The following UNC5D variants were observed in gnomAD, a reference collection of about 807,000 sequenced individuals.
The protein encoded by UNC5D is netrin receptor UNC5D.
A neutral mutation model predicts 105.4 loss-of-function variants in UNC5D; 39 were observed. The observed-to-expected ratio is 0.37, with a 90% confidence interval of 0.29 to 0.48. UNC5D has a LOEUF of 0.48. Among genes scored for constraint, UNC5D ranks in the 20% least tolerant of loss-of-function variants. The pLI, the probability that UNC5D is intolerant of heterozygous loss-of-function variation, is 0.98. For missense variants in UNC5D, 991 were observed against 1,202.4 expected, an observed-to-expected ratio of 0.82 and a Z score of 2.60; for synonymous variants, 452 against 450.4, an observed-to-expected ratio of 1.00 and a Z score of -0.04.
chr8:35,601,947 C>T (rs1819914908), intron 4 of UNC5D, among the ~76,000 whole-genome samples: 1 of 152,104 alleles, frequency 6.6e-6, no homozygotes, highest in Non-Finnish European at 1.5e-5. Context: ...TCATAGATAG[C>T]TCTTATTATT....
intron 1 of UNC5D, among the ~76,000 whole-genome samples, chr8:35,367,439 A>C (rs1394322648): frequency 6.6e-6 from 1 of 152,166 alleles, no homozygotes; most frequent in African/African-American, 2.4e-5. Flanking sequence ...TCTTCCCCAG[A>C]TGAAAACATA....
chr8:35,692,883 C>G (rs147293946), intron 7 of UNC5D, among the ~76,000 whole-genome samples: 3 of 152,288 alleles, frequency 2.0e-5, no homozygotes, highest in Non-Finnish European at 4.4e-5. Flanking sequence ...AATAGCTTGC[C>G]TTTCTGCATA....
At chr8:35,759,925 CAA>C (rs1442256990) in intron 14 of UNC5D, among the ~76,000 whole-genome samples, 4 of 151,834 alleles carry the variant, frequency 2.6e-5, no homozygotes, top group African/African-American at 9.7e-5. Context: ...CAGGTGGAAA[CAA>C]GAGATTTTTT....
At chr8:35,455,433 C>G (rs961986328) in intron 1 of UNC5D, among the ~76,000 whole-genome samples, 3 of 151,924 alleles carry the variant, frequency 2.0e-5, no homozygotes, top group African/African-American at 7.3e-5. Flanking sequence ...CAAACAACAC[C>G]ACGCCTGGCT....
intron 4 of UNC5D, among the ~76,000 whole-genome samples, chr8:35,622,140 G>A (rs1217379677): frequency 6.6e-6 from 1 of 152,012 alleles, no homozygotes; most frequent in Non-Finnish European, 1.5e-5. Context: ...TCAAGAGATC[G>A]AGACCATCCT....
chr8:35,284,592 T>C (rs1806450280), intron 1 of UNC5D, among the ~76,000 whole-genome samples: 1 of 152,172 alleles, frequency 6.6e-6, no homozygotes, highest in African/African-American at 2.4e-5. Flanking sequence ...TCTCACTCTG[T>C]CGCCCAGGCT....
chr8:35,604,479 T>C (rs535357117), intron 4 of UNC5D, among the ~76,000 whole-genome samples: 7 of 152,178 alleles, frequency 4.6e-5, no homozygotes, highest in Non-Finnish European at 4.4e-5. Flanking sequence ...CCTTAACATT[T>C]TTTCCTTCAT....
At chr8:35,744,429 T>C (rs897030197) in intron 11 of UNC5D, among the ~76,000 whole-genome samples, 4 of 152,236 alleles carry the variant, frequency 2.6e-5, no homozygotes, top group African/African-American at 9.6e-5. Flanking sequence ...CATCCATTTA[T>C]GATTCTCAAC....
At chr8:35,775,977 TTGAA>T (rs1802229384) in intron 16 of UNC5D, among the ~76,000 whole-genome samples, 2 of 152,186 alleles carry the variant, frequency 1.3e-5, no homozygotes. Flanking sequence ...AAAAATTAGA[TTGAA>T]TATTTCCCAG....
chr8:35,758,659 T>A (rs1007158293), intron 13 of UNC5D, among the ~76,000 whole-genome samples: 1 of 152,220 alleles, frequency 6.6e-6, no homozygotes, highest in Non-Finnish European at 1.5e-5. Flanking sequence ...TTGTATTAGA[T>A]TGTATTACGT....
chr8:35,305,014 G>A (rs1157589898), intron 1 of UNC5D, among the ~76,000 whole-genome samples: 1 of 152,074 alleles, frequency 6.6e-6, no homozygotes, highest in Admixed American at 6.6e-5. Flanking sequence ...AAGAATTGAA[G>A]CAGTGCCATT....
At chr8:35,704,961 T>G (rs976679670) in intron 7 of UNC5D, among the ~76,000 whole-genome samples, 1 of 112,728 alleles carries the variant, frequency 8.9e-6, no homozygotes, top group Non-Finnish European at 1.8e-5. Context: ...GCTGAATGCC[T>G]TTTTTTTTTT....
At chr8:35,456,321 C>T (rs1194398835) in intron 1 of UNC5D, among the ~76,000 whole-genome samples, 1 of 152,122 alleles carries the variant, frequency 6.6e-6, no homozygotes, top group Non-Finnish European at 1.5e-5. Flanking sequence ...ATTGCTGGCT[C>T]CTACCCCCAG....
intron 1 of UNC5D, among the ~76,000 whole-genome samples, chr8:35,309,126 T>C (rs1220519469): frequency 6.6e-6 from 1 of 152,158 alleles, no homozygotes; most frequent in Non-Finnish European, 1.5e-5. Flanking sequence ...CATGAACAAT[T>C]CTGGGACCTT....
intron 1 of UNC5D, among the ~76,000 whole-genome samples, chr8:35,414,759 G>A (rs572591377): frequency 2.0e-5 from 3 of 152,088 alleles, no homozygotes; most frequent in Non-Finnish European, 4.4e-5. Context: ...TCTCTCATCA[G>A]TCACACTGGT....
chr8:35,602,202 G>A (rs1054815648), intron 4 of UNC5D, among the ~76,000 whole-genome samples: 9 of 152,100 alleles, frequency 5.9e-5, no homozygotes, highest in African/African-American at 1.9e-4. Context: ...TGGTTTGCCC[G>A]TATTTTATTG....
intron 1 of UNC5D, among the ~76,000 whole-genome samples, chr8:35,451,619 T>A (rs1397578820): frequency 6.6e-6 from 1 of 152,206 alleles, no homozygotes; most frequent in Non-Finnish European, 1.5e-5. Context: ...TCCCTTTATA[T>A]TCTTAAACAA....
At chr8:35,660,242 A>G (rs1824027565) in intron 4 of UNC5D, among the ~76,000 whole-genome samples, 1 of 152,244 alleles carries the variant, frequency 6.6e-6, no homozygotes, top group South Asian at 2.1e-4. Flanking sequence ...ACATGAATCT[A>G]GAAGAAAAGG....
At chr8:35,710,981 C>T (rs1427659994) in intron 8 of UNC5D, among the ~76,000 whole-genome samples, 206 of 122,808 alleles carry the variant, frequency 1.7e-3, no homozygotes, top group African/African-American at 8.9e-3. Context: ...CTCTGTCGCC[C>T]AGGCTGGAGT....
Sources: gnomAD v4.1 joint callset for allele counts (sites outside exome capture counted in the v4.1 genomes callset) on GRCh38, gnomAD v4.1.1 for gene constraint, MANE v1.5 for transcripts, NCBI Gene and HGNC (gene_info 2026-07-23, HGNC 2026-07-21) for gene names.